The following IL1RAPL1 variants were observed in gnomAD, a reference collection of about 807,000 sequenced individuals.
IL1RAPL1 encodes interleukin 1 receptor accessory protein like 1.
In IL1RAPL1, 3 loss-of-function variants were observed where a neutral mutation model predicts 48.4. The ratio of observed to expected loss-of-function variants is 0.06; its 90% CI spans 0.03 to 0.16. The LOEUF is 0.16. Among genes scored for constraint, IL1RAPL1 ranks in the 10% least tolerant of loss-of-function variants. The pLI is 1.00. For missense variants in IL1RAPL1, 349 were observed against 530.6 expected, an observed-to-expected ratio of 0.66 and a Z score of 3.36; for synonymous variants, 185 against 187.7, an observed-to-expected ratio of 0.99 and a Z score of 0.12.
intron 6 of IL1RAPL1, among the ~76,000 whole-genome samples, chrX:29,825,900 A>C (rs1930727069): frequency 9.0e-6 from 1 of 111,085 alleles, no homozygotes; most frequent in Non-Finnish European, 1.9e-5. Flanking sequence ...GGACTGCTGA[A>C]TGTAGTTCGC....
chrX:29,926,151 C>G (rs1932889137), intron 8 of IL1RAPL1, among the ~76,000 whole-genome samples: 1 of 111,585 alleles, frequency 9.0e-6, no homozygotes, highest in African/African-American at 3.3e-5. Flanking sequence ...TTTTGCTAAT[C>G]AGTTTTAATA....
At chrX:28,941,085 C>G (rs768027081) in intron 2 of IL1RAPL1, among the ~76,000 whole-genome samples, 1 of 110,775 alleles carries the variant, frequency 9.0e-6, no homozygotes, top group Non-Finnish European at 1.9e-5. Flanking sequence ...ACATTTTGAA[C>G]AGTTTTAAGT....
At chrX:29,830,003 A>G (rs1253025568) in intron 6 of IL1RAPL1, among the ~76,000 whole-genome samples, 3 of 112,440 alleles carry the variant, frequency 2.7e-5, no homozygotes, top group African/African-American at 9.7e-5. Flanking sequence ...ATAACCAAGT[A>G]TAAAAAGGCT....
At chrX:29,394,005 T>C (rs1933891571) in intron 3 of IL1RAPL1, among the ~76,000 whole-genome samples, 1 of 110,406 alleles carries the variant, frequency 9.1e-6, no homozygotes, top group African/African-American at 3.3e-5. Context: ...CACTCTTTTC[T>C]CTCAAAGCTG....
At chrX:29,224,920 A>G (rs909246586) in intron 2 of IL1RAPL1, among the ~76,000 whole-genome samples, 1 of 112,222 alleles carries the variant, frequency 8.9e-6, no homozygotes, top group Non-Finnish European at 1.9e-5. Flanking sequence ...TAATCATTGC[A>G]TATGCCCTCA....
chrX:29,950,968 A>G (rs12849931), intron 9 of IL1RAPL1, among the ~76,000 whole-genome samples: 39,089 of 110,423 alleles, frequency 0.35, 6,122 homozygotes, highest in African/African-American at 0.61. Flanking sequence ...GTGAGCCACC[A>G]CACCTGGCCA....
intron 2 of IL1RAPL1, among the ~76,000 whole-genome samples, chrX:29,148,864 A>G (rs1929401972): frequency 9.0e-6 from 1 of 111,524 alleles, no homozygotes; most frequent in South Asian, 3.8e-4. Context: ...AAAAGAACAG[A>G]CTGTGTTCAA....
At chrX:29,568,257 A>G (rs1262732217) in intron 5 of IL1RAPL1, among the ~76,000 whole-genome samples, 3 of 71,730 alleles carry the variant, frequency 4.2e-5, no homozygotes, top group Non-Finnish European at 5.4e-5. Context: ...TTAAAGATCA[A>G]GAATAACAGA....
intron 6 of IL1RAPL1, among the ~76,000 whole-genome samples, chrX:29,813,607 A>G (rs185440618): frequency 2.2e-3 from 246 of 110,890 alleles, no homozygotes; most frequent in African/African-American, 7.7e-3. Flanking sequence ...CTTTTATTTT[A>G]GATTTGGGGG....
chrX:29,192,477 A>G (rs997675016), intron 2 of IL1RAPL1, among the ~76,000 whole-genome samples: 2 of 111,825 alleles, frequency 1.8e-5, no homozygotes, highest in African/African-American at 6.5e-5. Flanking sequence ...GTTTAATATA[A>G]CCAACTAGTT....
At chrX:29,313,286 T>TGTGTGC (rs1245878069) in intron 3 of IL1RAPL1, among the ~76,000 whole-genome samples, 4 of 96,764 alleles carry the variant, frequency 4.1e-5, no homozygotes, top group African/African-American at 1.4e-4. Context: ...TGTGTGTGTG[T>TGTGTGC]GCGCGCGCAC....
At chrX:29,198,005 G>A (rs995267371) in intron 2 of IL1RAPL1, among the ~76,000 whole-genome samples, 3 of 111,096 alleles carry the variant, frequency 2.7e-5, no homozygotes, top group Non-Finnish European at 3.8e-5. Flanking sequence ...CACCGTGCCC[G>A]GCCTCTTCTA....
At chrX:29,902,757 C>A (rs767372403) in intron 6 of IL1RAPL1, among the ~76,000 whole-genome samples, 1 of 111,469 alleles carries the variant, frequency 9.0e-6, no homozygotes, top group Non-Finnish European at 1.9e-5. Context: ...TACTTAAATT[C>A]TCTTATAATC....
Position 29,319,364 on chromosome X carries a change from A to ATTTTTTTTTTTTTTTTTT in IL1RAPL1, c.362+36150_362+36167dup, listed in dbSNP as rs762918998. Among the ~76,000 whole-genome samples, 342 of 58,133 alleles carry ATTTTTTTTTTTTTTTTTT rather than the reference A, an allele frequency of 5.9e-3. 38 individuals are homozygous for ATTTTTTTTTTTTTTTTTT. Among genetic ancestry groups the ATTTTTTTTTTTTTTTTTT allele is most frequent in the African/African-American group, 9.8e-3 (134 of 13,673 alleles). The allele number at this position is 58,133 out of a possible 115,157, so 50.5% of individuals were successfully genotyped here. ...ACCCCACTGCATGTAGATAAATTTAATTTTTTTTTTTTTTTTTTTTGTAGA... is the reference window on the plus strand; with the variant it reads ...ACCCCACTGCATGTAGATAAATTTAATTTTTTTTTTTTTTTTTTTTTTTTTTTTTTTTTTTTTTGTAGA... On this transcript the variant is annotated intron_variant, in intron 3 of 10. Transcript: ENST00000378993.
At chrX:28,883,607 C>T (rs1922557433) in intron 2 of IL1RAPL1, among the ~76,000 whole-genome samples, 1 of 112,000 alleles carries the variant, frequency 8.9e-6, no homozygotes, top group Admixed American at 9.5e-5. Flanking sequence ...GTAGTAGAAA[C>T]TTTCAAACCA....
chrX:29,276,698 TA>T, intron 2 of IL1RAPL1, among the ~76,000 whole-genome samples: 1 of 111,574 alleles, frequency 9.0e-6, no homozygotes, highest in South Asian at 3.8e-4. Context: ...TTTTCTTTTT[TA>T]AAGATAGGGT....
intron 2 of IL1RAPL1, among the ~76,000 whole-genome samples, chrX:29,190,925 T>C (rs1010215197): frequency 2.7e-5 from 3 of 111,842 alleles, no homozygotes; most frequent in African/African-American, 9.7e-5. Context: ...ATAACTGAGG[T>C]GAATAATACG....
At chrX:28,762,786 GCACACA>G (rs759005946) in intron 1 of IL1RAPL1, among the ~76,000 whole-genome samples, 76 of 62,957 alleles carry the variant, frequency 1.2e-3, no homozygotes, top group South Asian at 0.011. Context: ...GCACGCGCGC[GCACACA>G]CACACACACA....
chrX:28,907,630 T>G (rs1923253159), intron 2 of IL1RAPL1, among the ~76,000 whole-genome samples: 1 of 112,705 alleles, frequency 8.9e-6, no homozygotes, highest in Non-Finnish European at 1.9e-5. Flanking sequence ...TATGTAATTT[T>G]TTATGCTTTG....
Sources: gnomAD v4.1 joint callset for allele counts (sites outside exome capture counted in the v4.1 genomes callset) on GRCh38, gnomAD v4.1.1 for gene constraint, MANE v1.5 for transcripts, NCBI Gene and HGNC (gene_info 2026-07-23, HGNC 2026-07-21) for gene names.